PREX1: variants seen among roughly 807,000 people sequenced by gnomAD.
PREX1 encodes phosphatidylinositol 3,4,5-trisphosphate-dependent Rac exchanger 1 protein.
In PREX1, 41 loss-of-function variants were observed where a neutral mutation model predicts 198.3. The ratio of observed to expected loss-of-function variants is 0.21; its 90% CI spans 0.16 to 0.27. The LOEUF is 0.27. Among genes scored for constraint, PREX1 ranks in the 10% least tolerant of loss-of-function variants. The probability of loss-of-function intolerance (pLI) is 1.00; values close to 1 mark genes in which losing one functional copy is unlikely to be tolerated. For missense variants in PREX1, 1,620 were observed against 2,200.7 expected (o/e 0.74, Z 5.28); for synonymous variants, 843 against 887.2 (o/e 0.95, Z 0.89).
intron 10 of PREX1, among the ~76,000 whole-genome samples, chr20:48,683,605 T>C (rs1387886912): frequency 6.6e-6 from 1 of 152,154 alleles, no homozygotes; most frequent in Non-Finnish European, 1.5e-5. Flanking sequence ...GAGGAGACTG[T>C]GCAGAACCAG....
chr20:48,627,675 A>T, intron 38 of PREX1, 60 bp from the exon 39 acceptor site: 6 of 797,904 alleles, frequency 7.5e-6, no homozygotes, highest in Non-Finnish European at 1.0e-5. Context: ...GAGGAAGCAC[A>T]CTGGGGGGTG....
At chr20:48,882,530 A>C in the PREX1 span, among the ~76,000 whole-genome samples, 1 of 136,284 alleles carries the variant, frequency 7.3e-6, no homozygotes, top group East Asian at 2.2e-4. Flanking sequence ...AAAAAAAGAG[A>C]GAATCTTCAT....
intron 31 of PREX1, 92 bp downstream of exon 31, chr20:48,637,618 TC>T (rs1267907249): frequency 3.1e-6 from 4 of 1,290,026 alleles, no homozygotes; most frequent in Non-Finnish European, 4.2e-6. Context: ...AAGCGTTGCC[TC>T]CCCCCGTCCA....
Position 48,759,505 on chromosome 20 carries a change from G to A in PREX1, c.220-11625C>T, listed in dbSNP as rs141991160. On this transcript the variant is annotated intron_variant, in intron 1 of 39. Transcript: ENST00000371941. ...GCAGAGGTTACAATGAACTGAAATC[G>A]CACCACTGCACTCCAGCCTGGGTAA... Among the ~76,000 whole-genome samples the A allele has an allele frequency of 7.0e-3, 913 of 130,610 alleles. 18 individuals are homozygous for A. Among genetic ancestry groups the A allele is most frequent in the African/African-American group, 0.025 (856 of 34,332 alleles). 85.7% of individuals were successfully genotyped at this position (130,610 alleles called of 152,430 possible).
intron 14 of PREX1, among the ~76,000 whole-genome samples, chr20:48,671,843 CCA>C (rs2089677353): frequency 6.6e-6 from 1 of 152,234 alleles, no homozygotes; most frequent in Non-Finnish European, 1.5e-5. Flanking sequence ...TGCGTCAGCT[CCA>C]GTTACCCACC....
upstream of PREX1, among the ~76,000 whole-genome samples, chr20:48,830,118 T>G (rs2090534033): frequency 6.6e-6 from 1 of 152,110 alleles, no homozygotes; most frequent in African/African-American, 2.4e-5. Context: ...AATCCCAGAA[T>G]TTTAGGAGGT....
At chr20:48,661,444 A>AAAAAT (rs1555832820) in intron 15 of PREX1, among the ~76,000 whole-genome samples, 19 of 49,592 alleles carry the variant, frequency 3.8e-4, no homozygotes, top group South Asian at 9.6e-4. Flanking sequence ...AAAAAAAAAA[A>AAAAAT]ATATATATAT....
At chr20:48,855,977 A>C in the PREX1 span, among the ~76,000 whole-genome samples, 4 of 152,364 alleles carry the variant, frequency 2.6e-5, no homozygotes, top group South Asian at 6.2e-4. Context: ...AAAATAAAAC[A>C]GAGTAAAGGG....
intron 5 of PREX1, among the ~76,000 whole-genome samples, chr20:48,712,255 C>T (rs1246957505): frequency 1.3e-5 from 2 of 152,180 alleles, no homozygotes; most frequent in Non-Finnish European, 2.9e-5. Flanking sequence ...AGTTGAGGCT[C>T]ACACAGAGGC....
At chr20:48,828,673 T>TCCCATCTCTCTCTTTCCTTC (rs767285996), upstream of PREX1, among the ~76,000 whole-genome samples, 2 of 152,204 alleles carry the variant, frequency 1.3e-5, no homozygotes, top group Non-Finnish European at 2.9e-5. Context: ...CCGTTTCCTT[T>TCCCATCTCTCTCTTTCCTTC]CCCATCTCTC....
At chr20:48,786,744 AAAAAAAAAGAGAAAGAAAGAAAAG>A (rs1307088324) in intron 1 of PREX1, among the ~76,000 whole-genome samples, 20 of 149,356 alleles carry the variant, frequency 1.3e-4, no homozygotes, top group Admixed American at 4.0e-4. Context: ...GACTCTGTCA[AAAAAAAAAGAGAAAGAAAGAAAAG>A]AAAAAAAAGA....
chr20:48,855,284 G>A, the PREX1 span, among the ~76,000 whole-genome samples: 1 of 152,154 alleles, frequency 6.6e-6, no homozygotes, highest in East Asian at 1.9e-4. Flanking sequence ...AGAAAAGAAA[G>A]TGCCTATATC....
chr20:48,794,727 G>A (rs1232941183), intron 1 of PREX1, among the ~76,000 whole-genome samples: 1 of 152,250 alleles, frequency 6.6e-6, no homozygotes, highest in Non-Finnish European at 1.5e-5. Flanking sequence ...GGGTCCCTAA[G>A]AGGGGCCCCG....
Position 48,743,339 on chromosome 20 carries a change from C to T in PREX1, c.414+1686G>A, listed in dbSNP as rs573136260. Among the ~76,000 whole-genome samples the T allele has an allele frequency of 3.3e-5, 5 of 152,334 alleles. No individual in the cohort carries two copies. In the East Asian group the frequency reaches 9.6e-4, roughly 29 times the overall value. ...CCTATTCAAACACCTTTACTGCACA[C>T]TGTGGCCACTTGCCCCTTCTCACCA... On this transcript the variant is annotated intron_variant, in intron 3 of 39. Transcript: ENST00000371941.
chr20:48,648,605 CCT>C (rs1469967223), intron 25 of PREX1, among the ~76,000 whole-genome samples: 3 of 152,156 alleles, frequency 2.0e-5, no homozygotes, highest in African/African-American at 7.2e-5. Context: ...GACAAACACC[CCT>C]GATTGTCTCA....
intron 1 of PREX1, among the ~76,000 whole-genome samples, chr20:48,787,359 C>A (rs2090317683): frequency 6.6e-6 from 1 of 151,736 alleles, no homozygotes; most frequent in African/African-American, 2.4e-5. Flanking sequence ...TCATAAAGGT[C>A]CTTTATAAAC....
Position 48,632,584 on chromosome 20 carries a change from G to C in PREX1, c.4323C>G (p.Phe1441Leu), listed in dbSNP as rs1489354619. The stretch of plus-strand genomic sequence containing the variant: ...TGGAGAAGTGGTAGCTGTCGAGGTA[G>C]AAGATGACCTTCAGCGCCTGCCGGC... Reference protein sequence around the residue: ...EGSRQALKVIFYLDSYHFSKL... With the variant: ...EGSRQALKVILYLDSYHFSKL... Residue 1441 changes from phenylalanine to leucine, a missense_variant, in exon 34 of 40, where the codon TTC (phenylalanine) becomes TTG (leucine). Around this residue, in one of 7 missense-constraint regions of PREX1, gnomAD observed 476 missense variants for 603.4 expected, o/e 0.79. Transcript: ENST00000371941. 3 of 1,614,060 alleles carry C rather than the reference G, an allele frequency of 1.9e-6. No homozygotes were observed. The highest frequency in any genetic ancestry group is 2.2e-5 in the South Asian group (2 of 91,064).
chr20:48,813,254 A>G (rs985005803), intron 1 of PREX1, among the ~76,000 whole-genome samples: 3 of 152,240 alleles, frequency 2.0e-5, no homozygotes, highest in African/African-American at 7.2e-5. Context: ...GAGGTCCAAG[A>G]ATCAGCTTCC....
In PREX1 at chr20:48,652,139, G is replaced by A. The variant is rs1025315370; in HGVS notation, c.2467+447C>T. ...AGCCATCAGAAACTGACATAACATC[G>A]TGGGCATCGCGGCCGTGCGCAGTGG... is the stretch of plus-strand genomic sequence containing the variant. On this transcript the variant is annotated intron_variant, in intron 21 of 39. Coordinates refer to ENST00000371941, the MANE Select transcript of PREX1 (RefSeq NM_020820.4). Among the ~76,000 whole-genome samples the A allele has an allele frequency of 3.9e-5, 6 of 152,192 alleles. No individual in the cohort carries two copies. In the East Asian group the frequency reaches 5.8e-4, roughly 15 times the overall value.
Sources: allele counts gnomAD v4.1 joint callset (sites outside exome capture counted in the v4.1 genomes callset), GRCh38; gene constraint gnomAD v4.1.1; regional missense constraint gnomAD v4.1.1; transcripts MANE v1.5; gene names NCBI Gene and HGNC (gene_info 2026-07-23, HGNC 2026-07-21).